The following PTPRA variants were observed in gnomAD, a reference collection of about 807,000 sequenced individuals.
PTPRA encodes the protein receptor-type tyrosine-protein phosphatase alpha.
Under a neutral mutation model 104.8 loss-of-function variants are expected in PTPRA, and 25 were observed. The ratio of observed to expected loss-of-function variants is 0.24; its 90% CI spans 0.17 to 0.33. PTPRA has a LOEUF of 0.33. Ranked by LOEUF, PTPRA falls within the 10% of genes least tolerant of loss-of-function variation. PTPRA has a pLI of 1.00. For missense variants in PTPRA, 765 were observed against 1,015.3 expected (o/e 0.75, Z 3.35); for synonymous variants, 323 against 368.9 (o/e 0.88, Z 1.43).
chr20:2,961,810 T>C (rs2061764949), intron 3 of PTPRA, among the ~76,000 whole-genome samples: 1 of 152,214 alleles, frequency 6.6e-6, no homozygotes, highest in Non-Finnish European at 1.5e-5. Flanking sequence ...AGGTCTGATA[T>C]GGATTAATTT....
chr20:2,897,012 T>G (rs1213124321), intron 1 of PTPRA, among the ~76,000 whole-genome samples: 1 of 152,202 alleles, frequency 6.6e-6, no homozygotes, highest in Non-Finnish European at 1.5e-5. Context: ...TTGAATAGAT[T>G]TAGGTTATGC....
chr20:2,870,787 G>T (rs1393637734), upstream of PTPRA, among the ~76,000 whole-genome samples: 1 of 152,198 alleles, frequency 6.6e-6, no homozygotes, highest in African/African-American at 2.4e-5. Context: ...CTGTGGGGTG[G>T]CTGCGAAATG....
intron 1 of PTPRA, among the ~76,000 whole-genome samples, chr20:2,875,075 T>G (rs1421893353): frequency 1.3e-5 from 2 of 152,228 alleles, no homozygotes; most frequent in Non-Finnish European, 2.9e-5. Flanking sequence ...GGGAGAATCC[T>G]CCAAGTTGTC....
chr20:2,866,688 A>G, the PTPRA span: 7 of 1,471,886 alleles, frequency 4.8e-6, no homozygotes, highest in African/African-American at 1.4e-5. Context: ...GAGCGGGGGC[A>G]TGGTAGCAGG....
intron 1 of PTPRA, among the ~76,000 whole-genome samples, chr20:2,919,938 C>T (rs536501408): frequency 6.6e-6 from 1 of 152,244 alleles, no homozygotes; most frequent in African/African-American, 2.4e-5. Flanking sequence ...ATAAAATTAA[C>T]ATTTACATGT....
intron 1 of PTPRA, among the ~76,000 whole-genome samples, chr20:2,910,600 G>GTTT (rs1324636448): frequency 3.1e-5 from 2 of 64,428 alleles, no homozygotes; most frequent in African/African-American, 1.3e-4. Flanking sequence ...TTTTTTTTTT[G>GTTT]TTTTTTTTAA....
chr20:2,954,362 C>T (rs992115567), intron 3 of PTPRA, among the ~76,000 whole-genome samples: 11 of 151,272 alleles, frequency 7.3e-5, no homozygotes, highest in Middle Eastern at 3.4e-3. Context: ...TACAGGCGTG[C>T]GCCACCACAC....
chr20:2,881,880 G>A lies in PTPRA; in HGVS notation c.-129+8120G>A, dbSNP rs146309752. Among the ~76,000 whole-genome samples, 756 of 152,078 alleles carry A rather than the reference G, an allele frequency of 5.0e-3. 5 individuals carry two copies. Among genetic ancestry groups the A allele is most frequent in the African/African-American group, 0.017 (701 of 41,480 alleles). On this transcript the variant is annotated intron_variant, in intron 1 of 23. Transcript: ENST00000399903. Reference sequence around the variant, plus strand: ...GCCAGGTATGGTGGGCACACCTGTAGTCCCAGCTACTCGGGAGGCTGAGGC... The same window carrying A: ...GCCAGGTATGGTGGGCACACCTGTAATCCCAGCTACTCGGGAGGCTGAGGC...
intron 13 of PTPRA, 33 bp from the exon 14 acceptor site, chr20:3,021,276 A>G (rs2064855209): frequency 6.2e-7 from 1 of 1,612,886 alleles, no homozygotes; most frequent in Non-Finnish European, 8.5e-7. Context: ...CAGGAGGTCT[A>G]AGGTCAGGGA....
chr20:3,035,236 G>A lies in PTPRA; in HGVS notation c.1921-349G>A, dbSNP rs1036606937. Among the ~76,000 whole-genome samples, 15 of 152,176 alleles carry A rather than the reference G, an allele frequency of 9.9e-5. No homozygotes were observed. Among genetic ancestry groups the A allele is most frequent in the African/African-American group, 3.6e-4 (15 of 41,438 alleles). Reference sequence around the variant, plus strand: ...TTTCTGAATTAGCAGTCTGGCGGATGTAAGCAGCATTAAATATGAAAACAC... The same window carrying A: ...TTTCTGAATTAGCAGTCTGGCGGATATAAGCAGCATTAAATATGAAAACAC... On this transcript the variant is annotated intron_variant, in intron 20 of 23. Transcript: ENST00000399903. This position sits in a 1 kb window ranked among gnomAD's most constrained non-coding sequence, Gnocchi z 5.8.
chr20:3,029,351 G>A (rs956951726), intron 20 of PTPRA, among the ~76,000 whole-genome samples: 1 of 151,796 alleles, frequency 6.6e-6, no homozygotes, highest in Non-Finnish European at 1.5e-5. Flanking sequence ...ATGTTGCCCA[G>A]GCTGGTCTTG....
rs2065187909 is a variant in PTPRA at position 3,027,172 on chromosome 20, A to C, written c.1760A>C (p.Asp587Ala). 2 of 1,614,040 alleles carry C rather than the reference A, an allele frequency of 1.2e-6. No individual in the cohort carries two copies. The highest frequency in any genetic ancestry group is 8.5e-7 in the Non-Finnish European group (1 of 1,179,990). ...IPVKRGEENT[D>A]YVNASFIDGY... ...GTTAAGCGGGGCGAAGAGAATACAGACTATGTGAACGCATCCTTTATTGAT... is the reference window on the plus strand; with the variant it reads ...GTTAAGCGGGGCGAAGAGAATACAGCCTATGTGAACGCATCCTTTATTGAT... The change falls in exon 19 of 24, where the codon GAC becomes GCC. Residue 587 changes from aspartate to alanine, a missense_variant. By Grantham distance (126) the Asp-to-Ala change is moderately radical. Transcript: ENST00000399903.
intron 2 of PTPRA, among the ~76,000 whole-genome samples, chr20:2,929,097 G>C (rs948211655): frequency 3.3e-5 from 5 of 151,948 alleles, no homozygotes; most frequent in Non-Finnish European, 7.4e-5. Context: ...GACTACAGGA[G>C]TATGCCACCA....
intron 1 of PTPRA, 131 bp from the exon 2 acceptor site, chr20:2,923,076 C>T: frequency 3.3e-6 from 1 of 307,268 alleles, no homozygotes; most frequent in African/African-American, 2.3e-5. Flanking sequence ...TAGGCATGTG[C>T]CACCCTGCCT....
chr20:2,938,441 C>T (rs1158017643), intron 2 of PTPRA, among the ~76,000 whole-genome samples: 2 of 152,144 alleles, frequency 1.3e-5, no homozygotes, highest in African/African-American at 4.8e-5. Flanking sequence ...CTGCCTCAGC[C>T]TCCCAAAATG....
chr20:2,907,812 G>T (rs895069435), intron 1 of PTPRA, among the ~76,000 whole-genome samples: 4 of 147,274 alleles, frequency 2.7e-5, no homozygotes, highest in Non-Finnish European at 4.5e-5. Context: ...AATTGCCTTG[G>T]TTTTTTTTTT....
intron 13 of PTPRA, among the ~76,000 whole-genome samples, chr20:3,019,063 G>T (rs1443070452): frequency 7.1e-6 from 1 of 139,928 alleles, no homozygotes; most frequent in African/African-American, 2.7e-5. Flanking sequence ...GGGGCGGCTG[G>T]CCGGGCAGAG....
chr20:2,941,301 G>T (rs1049437601), intron 2 of PTPRA, among the ~76,000 whole-genome samples: 1 of 152,122 alleles, frequency 6.6e-6, no homozygotes, highest in Non-Finnish European at 1.5e-5. Context: ...AAAGTGCTGG[G>T]ATTACAGGCA....
intron 11 of PTPRA, among the ~76,000 whole-genome samples, chr20:3,009,167 C>T (rs558851039): frequency 6.6e-6 from 1 of 151,616 alleles, no homozygotes; most frequent in South Asian, 2.1e-4. Flanking sequence ...ATGAGAGCTT[C>T]GAAAGTTTAG....
Sources: allele counts gnomAD v4.1 joint callset (sites outside exome capture counted in the v4.1 genomes callset), GRCh38; gene constraint gnomAD v4.1.1; non-coding constraint Gnocchi (gnomAD v3.1); transcripts MANE v1.5; gene names NCBI Gene and HGNC (gene_info 2026-07-23, HGNC 2026-07-21).